The following PLA2R1 variants were observed in gnomAD, a reference collection of about 807,000 sequenced individuals.
PLA2R1 encodes secretory phospholipase A2 receptor.
In PLA2R1, 158 loss-of-function variants were observed where a neutral mutation model predicts 195.9. The observed-to-expected ratio is 0.81, with a 90% CI of 0.71 to 0.92. The LOEUF (loss-of-function observed/expected upper bound fraction) is 0.92, where lower values mean the gene tolerates loss of function less well. Ranked by LOEUF, PLA2R1 falls within the 40% of genes least tolerant of loss-of-function variation. The pLI is 0.00. For synonymous variants in PLA2R1, 586 were observed against 598.2 expected, an observed-to-expected ratio of 0.98 and a Z score of 0.30; for missense variants, 1,626 against 1,764.6, an observed-to-expected ratio of 0.92 and a Z score of 1.41.
intron 11 of PLA2R1, among the ~76,000 whole-genome samples, chr2:159,991,083 A>AG (rs775510752): frequency 1.3e-5 from 2 of 152,204 alleles, no homozygotes; most frequent in Non-Finnish European, 2.9e-5. Context: ...GACAGTATCA[A>AG]GGTACAGAGT....
At chr2:160,059,446 C>T (rs1695803665) in intron 1 of PLA2R1, among the ~76,000 whole-genome samples, 1 of 152,148 alleles carries the variant, frequency 6.6e-6, no homozygotes, top group Non-Finnish European at 1.5e-5. Context: ...AGCAAAAGGA[C>T]AACACTTAGA....
chr2:159,981,229 G>T (rs538248816), intron 13 of PLA2R1, among the ~76,000 whole-genome samples: 1 of 151,886 alleles, frequency 6.6e-6, no homozygotes, highest in Non-Finnish European at 1.5e-5. Flanking sequence ...GTGTGTGTGT[G>T]TGTGTGTGTG....
intron 11 of PLA2R1, among the ~76,000 whole-genome samples, chr2:159,994,905 A>T (rs576282260): frequency 6.6e-6 from 1 of 152,204 alleles, no homozygotes; most frequent in Non-Finnish European, 1.5e-5. Flanking sequence ...GTGTTCATGT[A>T]GGTTCGTCAA....
chr2:160,029,388 G>A (rs1693717891), intron 4 of PLA2R1, among the ~76,000 whole-genome samples: 1 of 152,078 alleles, frequency 6.6e-6, no homozygotes, highest in South Asian at 2.1e-4. Context: ...TCAGGGAGGG[G>A]TGTACAGTGT....
In PLA2R1 at chr2:159,982,478, T is replaced by C. The variant is rs145164603; in HGVS notation, c.2183+1450A>G. 1.6e-4 allele frequency among the ~76,000 whole-genome samples: 24 copies of C among 152,278 alleles called. No individual in the cohort carries two copies. In the East Asian group the frequency reaches 3.9e-3, roughly 25 times the overall value. On this transcript the variant is annotated intron_variant, in intron 13 of 29. Transcript: ENST00000283243. ...CAATAAGTGTTCTTAAAAAAGGGAATTGTGGTCAAAGAAAGTGCTTCCTTC... is the reference window on the plus strand; with the variant it reads ...CAATAAGTGTTCTTAAAAAAGGGAACTGTGGTCAAAGAAAGTGCTTCCTTC...
At chr2:159,990,676 G>C (rs1690710445) in intron 11 of PLA2R1, among the ~76,000 whole-genome samples, 1 of 152,180 alleles carries the variant, frequency 6.6e-6, no homozygotes, top group African/African-American at 2.4e-5. Flanking sequence ...CAAGTTTCCT[G>C]CAATGCTGTG....
chr2:160,025,637 A>G (rs141334092), intron 6 of PLA2R1, among the ~76,000 whole-genome samples: 263 of 150,898 alleles, frequency 1.7e-3, no homozygotes, highest in African/African-American at 6.1e-3. Context: ...ACTGATAAAG[A>G]GAAAGGAATT....
intron 6 of PLA2R1, among the ~76,000 whole-genome samples, chr2:160,023,461 T>G (rs1693279993): frequency 6.6e-6 from 1 of 152,142 alleles, no homozygotes; most frequent in Non-Finnish European, 1.5e-5. Context: ...TTACAAGCTG[T>G]GGCAACATCA....
chr2:159,976,054 T>C lies in PLA2R1; in HGVS notation c.2595+14A>G, dbSNP rs1237021928. On this transcript the variant is annotated intron_variant, in intron 17 of 29. Transcript: ENST00000283243. ...TAAACTCTGAATTTTTCGTGGTGAGTTATGTTCAAGTACCGCTTTTATTTT... is the reference window on the plus strand; with the variant it reads ...TAAACTCTGAATTTTTCGTGGTGAGCTATGTTCAAGTACCGCTTTTATTTT... The C allele has an allele frequency of 1.2e-6, 2 of 1,605,588 alleles. No homozygotes were observed. Among genetic ancestry groups the C allele is most frequent in the Middle Eastern group, 1.7e-4 (1 of 6,058 alleles).
intron 1 of PLA2R1, among the ~76,000 whole-genome samples, chr2:160,058,712 C>T (rs1203276364): frequency 1.3e-5 from 2 of 151,984 alleles, no homozygotes; most frequent in Non-Finnish European, 2.9e-5. Flanking sequence ...AAGAAGGGCT[C>T]AGATTCTGAT....
At chr2:159,952,775 C>T (rs1687829320) in intron 23 of PLA2R1, among the ~76,000 whole-genome samples, 1 of 152,192 alleles carries the variant, frequency 6.6e-6, no homozygotes, top group South Asian at 2.1e-4. Context: ...ATGAATGTTG[C>T]TTCTTGCTCC....
At chr2:160,061,640 G>A (rs975379470) in intron 1 of PLA2R1, among the ~76,000 whole-genome samples, 2 of 152,044 alleles carry the variant, frequency 1.3e-5, no homozygotes, top group East Asian at 1.9e-4. Context: ...CTGGGCGTGC[G>A]GGCGCACACC....
Position 159,956,521 on chromosome 2 carries a change from T to G in PLA2R1, c.3011A>C (p.Glu1004Ala). ...CTTGAGTACTCTACCTTGCTCCACC[T>G]CACTTTCAATGGCGACCAGGGTCCC... is the stretch of plus-strand genomic sequence containing the variant. ...EGGTLVAIESEVEQAFITMNL... is the reference protein window; with the variant it reads ...EGGTLVAIESAVEQAFITMNL... The change falls in exon 21 of 30, where the codon GAG becomes GCG. Residue 1004 changes from glutamate (E) to alanine (A), a missense_variant. By Grantham distance (107) the Glu-to-Ala change is moderately radical. Coordinates refer to ENST00000283243, the MANE Select transcript of PLA2R1 (RefSeq NM_007366.5). The G allele has an allele frequency of 6.2e-7, 1 of 1,601,448 alleles. No individual in the cohort carries two copies. The highest frequency in any genetic ancestry group is 8.6e-7 in the Non-Finnish European group (1 of 1,168,374).
At chr2:159,981,881 G>A (rs900968729) in intron 13 of PLA2R1, among the ~76,000 whole-genome samples, 1 of 152,058 alleles carries the variant, frequency 6.6e-6, no homozygotes, top group Non-Finnish European at 1.5e-5. Context: ...GTCTCACTAT[G>A]CTGCCTAGGC....
intron 3 of PLA2R1, among the ~76,000 whole-genome samples, chr2:160,040,204 A>G (rs149280981): frequency 0.014 from 2,057 of 152,236 alleles, 29 homozygotes; most frequent in Middle Eastern, 0.099. Flanking sequence ...GTGATCTGAC[A>G]GTTATAAAAT....
Position 159,984,049 on chromosome 2 carries a change from TC to T in PLA2R1, c.2061del (p.Met688Ter). 6.4e-7 allele frequency: 1 copy of T among 1,573,972 alleles called. No homozygotes were observed. The highest frequency in any genetic ancestry group is 8.7e-7 in the Non-Finnish European group (1 of 1,146,780). On this transcript the variant is annotated frameshift_variant, in exon 13 of 30. Transcript: ENST00000283243. LOFTEE classifies it high-confidence loss of function. ...TCAGCTTCTCTCCATGTTCTTTTCA[TC>T]AGAACTTTTTCACTATGAAATACCT... ...CFKVFHSEKV[L>X]MKRTWREAEA... is the part of the protein sequence containing the mutation.
intron 5 of PLA2R1, 44 bp downstream of exon 5, chr2:160,028,806 A>C (rs773821817): frequency 1.1e-5 from 12 of 1,125,072 alleles, no homozygotes; most frequent in Non-Finnish European, 1.6e-5. Flanking sequence ...GTAAGGGTGC[A>C]AGATGATGCC....
At chr2:159,971,471 C>T (rs558416557) in intron 17 of PLA2R1, among the ~76,000 whole-genome samples, 117 of 127,140 alleles carry the variant, frequency 9.2e-4, no homozygotes, top group Non-Finnish European at 2.0e-3. Flanking sequence ...CACGTGTGTG[C>T]GCGCACACAC....
intron 20 of PLA2R1, among the ~76,000 whole-genome samples, chr2:159,962,553 T>C (rs1314829163): frequency 6.6e-6 from 1 of 152,222 alleles, no homozygotes; most frequent in Non-Finnish European, 1.5e-5. Flanking sequence ...CAAAGGATTA[T>C]AAATCATGCT....
Sources: allele counts gnomAD v4.1 joint callset (sites outside exome capture counted in the v4.1 genomes callset), GRCh38; gene constraint gnomAD v4.1.1; transcripts MANE v1.5; gene names NCBI Gene and HGNC (gene_info 2026-07-23, HGNC 2026-07-21).